SORCS2: variants seen among roughly 807,000 people sequenced by gnomAD.
The protein encoded by SORCS2 is sortilin related VPS10 domain containing receptor 2, also known as VPS10 domain-containing receptor SorCS2.
In SORCS2, 100 loss-of-function variants were observed where a neutral mutation model predicts 141.6. That is an observed-to-expected ratio of 0.71 (90% CI 0.60 to 0.83). The LOEUF (loss-of-function observed/expected upper bound fraction) is 0.83. Ranked by LOEUF, SORCS2 falls within the 40% of genes least tolerant of loss-of-function variation. SORCS2 has a pLI of 0.00. For synonymous variants in SORCS2, 789 were observed against 676.9 expected (o/e 1.17, Z -2.57); for missense variants, 1,646 against 1,560.2 (o/e 1.05, Z -0.93).
intron 1 of SORCS2, among the ~76,000 whole-genome samples, chr4:7,271,722 C>G (rs1246382920): frequency 6.6e-6 from 1 of 152,228 alleles, no homozygotes; most frequent in Non-Finnish European, 1.5e-5. Flanking sequence ...GGAGCTAAGT[C>G]CACAATGATG....
intron 2 of SORCS2, among the ~76,000 whole-genome samples, chr4:7,427,533 T>G (rs1485582201): frequency 6.6e-6 from 1 of 152,164 alleles, no homozygotes; most frequent in Admixed American, 6.5e-5. Flanking sequence ...GCATACTTCC[T>G]CCTGCCTTTG....
intron 3 of SORCS2, among the ~76,000 whole-genome samples, chr4:7,533,395 C>T (rs1487069378): frequency 6.6e-6 from 1 of 152,178 alleles, no homozygotes; most frequent in African/African-American, 2.4e-5. Context: ...CAGATGAGGG[C>T]CCACACTGAC....
At chr4:7,399,492 C>T (rs868848200) in intron 2 of SORCS2, among the ~76,000 whole-genome samples, 12 of 152,192 alleles carry the variant, frequency 7.9e-5, no homozygotes, top group East Asian at 1.9e-4. Flanking sequence ...CGCATGTCAG[C>T]GGCACCCCCT....
At chr4:7,232,022 C>T (rs1202153594) in intron 1 of SORCS2, among the ~76,000 whole-genome samples, 3 of 152,120 alleles carry the variant, frequency 2.0e-5, no homozygotes, top group Non-Finnish European at 4.4e-5. Context: ...ACAAGGGCCC[C>T]GTGATTGCTG....
intron 2 of SORCS2, among the ~76,000 whole-genome samples, chr4:7,457,930 C>A (rs1262213255): frequency 6.6e-6 from 1 of 151,896 alleles, no homozygotes; most frequent in Non-Finnish European, 1.5e-5. Context: ...CACCACTAGC[C>A]CGAGAGGCTG....
chr4:7,308,100 C>T (rs916607635), intron 1 of SORCS2, among the ~76,000 whole-genome samples: 13 of 152,254 alleles, frequency 8.5e-5, no homozygotes, highest in South Asian at 2.1e-4. Context: ...ATGCCTGGAA[C>T]CCTGTTCCAA....
At chr4:7,383,643 C>A (rs1056527389) in intron 1 of SORCS2, among the ~76,000 whole-genome samples, 5 of 152,216 alleles carry the variant, frequency 3.3e-5, no homozygotes, top group African/African-American at 1.2e-4. Flanking sequence ...AACATCACAG[C>A]TTATCCGATT....
chr4:7,728,467 C>T lies in SORCS2; in HGVS notation c.2982+5C>T, dbSNP rs778850781. On this transcript the variant is annotated splice_donor_5th_base_variant and intron_variant, in intron 22 of 26. Transcript: ENST00000507866. ...GTCACCCGGCTGCTCTCCAAGGTGT[C>T]CACCCAGAGCCTAGAGCCTCCCCAG... is the stretch of plus-strand genomic sequence containing the variant. 1 of 1,602,708 alleles carries T rather than the reference C, an allele frequency of 6.2e-7. No homozygotes were observed. Among genetic ancestry groups the T allele is most frequent in the Admixed American group, 1.7e-5 (1 of 59,112 alleles).
intron 18 of SORCS2, among the ~76,000 whole-genome samples, chr4:7,719,847 C>T (rs1726461140): frequency 6.6e-6 from 1 of 152,200 alleles, no homozygotes; most frequent in East Asian, 1.9e-4. Context: ...GGGACCCTTG[C>T]TGGGCCTGCT....
intron 1 of SORCS2, among the ~76,000 whole-genome samples, chr4:7,205,878 T>C (rs1334538537): frequency 6.6e-6 from 1 of 152,182 alleles, no homozygotes; most frequent in Admixed American, 6.5e-5. Flanking sequence ...ACCCCGTCTC[T>C]ACTAAAAATA....
chr4:7,600,602 C>T (rs149043580), intron 3 of SORCS2, among the ~76,000 whole-genome samples: 1 of 150,710 alleles, frequency 6.6e-6, no homozygotes, highest in African/African-American at 2.4e-5. Flanking sequence ...ACCCGGGGTC[C>T]GGTAGAGGGA....
chr4:7,675,905 C>T (rs931765317), intron 8 of SORCS2, 145 bp from the exon 9 acceptor site: 14 of 831,028 alleles, frequency 1.7e-5, no homozygotes, highest in Middle Eastern at 7.4e-4. Flanking sequence ...CCAGAGCAGC[C>T]GAGCCAGGAG....
chr4:7,593,368 G>T (rs1004330206), intron 3 of SORCS2, among the ~76,000 whole-genome samples: 1 of 152,186 alleles, frequency 6.6e-6, no homozygotes. Context: ...AGCAGAGCAG[G>T]TGAGGCGGGA....
At chr4:7,392,630 C>CG (rs1723938026) in intron 1 of SORCS2, among the ~76,000 whole-genome samples, 1 of 151,658 alleles carries the variant, frequency 6.6e-6, no homozygotes, top group Admixed American at 6.6e-5. Flanking sequence ...CCTGGGGTCC[C>CG]GGGTTGACCT....
chr4:7,678,365 C>A (rs902205897), intron 9 of SORCS2, among the ~76,000 whole-genome samples: 4 of 150,742 alleles, frequency 2.7e-5, no homozygotes, highest in Non-Finnish European at 5.9e-5. Context: ...GGGTGCCCTC[C>A]CAAGGGATGG....
chr4:7,483,115 T>C (rs1455162429), intron 2 of SORCS2, among the ~76,000 whole-genome samples: 2 of 151,844 alleles, frequency 1.3e-5, no homozygotes, highest in Admixed American at 6.6e-5. Context: ...GGTCAGGAGA[T>C]CGAGACCATC....
chr4:7,305,341 C>CTTT (rs142498048), intron 1 of SORCS2, among the ~76,000 whole-genome samples: 1 of 149,090 alleles, frequency 6.7e-6, no homozygotes, highest in African/African-American at 2.5e-5. Flanking sequence ...CATTCTGGCT[C>CTTT]TTGTCCCATT....
intron 2 of SORCS2, among the ~76,000 whole-genome samples, chr4:7,461,907 C>T (rs1295864111): frequency 9.9e-6 from 1 of 101,504 alleles, no homozygotes; most frequent in Non-Finnish European, 2.1e-5. Context: ...TGCTGTCCCG[C>T]AGGCTTCAGT....
intron 4 of SORCS2, among the ~76,000 whole-genome samples, chr4:7,642,920 C>T (rs1720839042): frequency 6.6e-6 from 1 of 152,228 alleles, no homozygotes; most frequent in South Asian, 2.1e-4. Context: ...GAAAACATCA[C>T]ATCTACTCAC....
Sources: allele counts gnomAD v4.1 joint callset (sites outside exome capture counted in the v4.1 genomes callset), GRCh38; gene constraint gnomAD v4.1.1; transcripts MANE v1.5; gene names NCBI Gene and HGNC (gene_info 2026-07-23, HGNC 2026-07-21).